Variants in CTNNA2 observed in about 807,000 individuals in gnomAD.
The protein encoded by CTNNA2 is catenin alpha 2.
In CTNNA2, 42 loss-of-function variants were observed where a neutral mutation model predicts 101.0. The ratio of observed to expected loss-of-function variants is 0.42; its 90% CI spans 0.32 to 0.54. The LOEUF is 0.54. Among genes scored for constraint, CTNNA2 ranks in the 20% least tolerant of loss-of-function variants. The pLI is 0.14. For missense variants in CTNNA2, 871 were observed against 1,223.1 expected (o/e 0.71, Z 4.29); for synonymous variants, 450 against 456.4 (o/e 0.99, Z 0.18).
At position 79,579,483 on chromosome 2, in the gene CTNNA2, C is replaced by T. The variant is rs1303153874; in HGVS notation, c.-6+66276C>T. Reference sequence around the variant, plus strand: ...GACAGTTTAATATAATCTTTCCTCACCCTCCCTTTGTCATTCAAATTAAAT... The same window carrying T: ...GACAGTTTAATATAATCTTTCCTCATCCTCCCTTTGTCATTCAAATTAAAT... On this transcript the variant is annotated intron_variant, in intron 1 of 18. Transcript: ENST00000402739. Among the ~76,000 whole-genome samples, 5 of 152,122 alleles carry T rather than the reference C, an allele frequency of 3.3e-5. No homozygotes were observed. In the East Asian group the frequency reaches 9.6e-4, roughly 29 times the overall value.
At chr2:80,075,668 G>T (rs1573004089) in intron 7 of CTNNA2, among the ~76,000 whole-genome samples, 1 of 79,740 alleles carries the variant, frequency 1.3e-5, no homozygotes, top group Admixed American at 1.5e-4. Flanking sequence ...ATTTATACAT[G>T]TATAAATATT....
chr2:80,622,408 C>T (rs3770368), intron 18 of CTNNA2, among the ~76,000 whole-genome samples: 55,760 of 151,634 alleles, frequency 0.37, 10,891 homozygotes, highest in East Asian at 0.45. Context: ...GATTTAGAAA[C>T]GTCAGATGGT....
chr2:79,646,524 CTTTTTTTTT>C (rs67454188), intron 1 of CTNNA2, among the ~76,000 whole-genome samples: 1 of 106,140 alleles, frequency 9.4e-6, no homozygotes, highest in Non-Finnish European at 1.8e-5. Context: ...TTCTTTCTGT[CTTTTTTTTT>C]TTTTTTTTTT....
chr2:79,911,976 C>G (rs1685830958), intron 7 of CTNNA2, among the ~76,000 whole-genome samples: 1 of 152,166 alleles, frequency 6.6e-6, no homozygotes, highest in Admixed American at 6.5e-5. Context: ...CATGCCCTGA[C>G]TGAAAAGTCT....
chr2:80,150,947 C>T (rs1000796961), intron 7 of CTNNA2, among the ~76,000 whole-genome samples: 1 of 152,200 alleles, frequency 6.6e-6, no homozygotes, highest in Non-Finnish European at 1.5e-5. Context: ...AGTCTCCCAT[C>T]ACTTTCTCCT....
At chr2:80,535,481 A>G (rs1258487938) in intron 9 of CTNNA2, among the ~76,000 whole-genome samples, 2 of 152,280 alleles carry the variant, frequency 1.3e-5, no homozygotes, top group Middle Eastern at 3.4e-3. Context: ...TTTATATTTT[A>G]TAACTGAGAC....
At chr2:79,989,360 C>A (rs570418213) in intron 7 of CTNNA2, among the ~76,000 whole-genome samples, 3 of 152,154 alleles carry the variant, frequency 2.0e-5, no homozygotes, top group Non-Finnish European at 4.4e-5. Context: ...CAGTGGCTCA[C>A]GCCTGTAATC....
intron 7 of CTNNA2, among the ~76,000 whole-genome samples, chr2:80,051,901 C>A (rs914633450): frequency 1.3e-5 from 2 of 152,144 alleles, no homozygotes; most frequent in Non-Finnish European, 2.9e-5. Context: ...AAAGTACTCT[C>A]GTCATTTTCT....
intron 7 of CTNNA2, among the ~76,000 whole-genome samples, chr2:80,338,406 T>C (rs762665651): frequency 6.6e-5 from 10 of 152,082 alleles, no homozygotes; most frequent in Non-Finnish European, 1.2e-4. Flanking sequence ...GAAAACCATT[T>C]TGGAGAAAAC....
intron 9 of CTNNA2, among the ~76,000 whole-genome samples, chr2:80,503,554 G>T (rs2149536896): frequency 6.6e-6 from 1 of 152,274 alleles, no homozygotes; most frequent in African/African-American, 2.4e-5. Flanking sequence ...TTGCAGCTCT[G>T]TGCCAAATTC....
At chr2:80,191,989 C>G (rs1706536267) in intron 7 of CTNNA2, among the ~76,000 whole-genome samples, 1 of 152,172 alleles carries the variant, frequency 6.6e-6, no homozygotes, top group Admixed American at 6.5e-5. Flanking sequence ...TTATTCAGAG[C>G]ATTAGGACCC....
At chr2:80,371,783 G>T (rs13400675) in intron 7 of CTNNA2, among the ~76,000 whole-genome samples, 4,726 of 152,176 alleles carry the variant, frequency 0.031, 238 homozygotes, top group African/African-American at 0.11. Context: ...GAGCAAACCT[G>T]AAGTCAAATT....
chr2:80,121,244 A>G (rs2148878329), intron 7 of CTNNA2, among the ~76,000 whole-genome samples: 1 of 152,350 alleles, frequency 6.6e-6, no homozygotes, highest in Middle Eastern at 3.4e-3. Context: ...CAACGTAGAT[A>G]TAGATTAGAA....
intron 11 of CTNNA2, among the ~76,000 whole-genome samples, chr2:80,554,531 C>G (rs1285036202): frequency 1.3e-5 from 2 of 152,132 alleles, no homozygotes; most frequent in African/African-American, 2.4e-5. Flanking sequence ...TCTGCTTTCT[C>G]ATAGTCTTCT....
chr2:80,147,732 G>A lies in CTNNA2; in HGVS notation c.1056+237935G>A, dbSNP rs151204887. Among the ~76,000 whole-genome samples, 4 of 152,252 alleles carry A rather than the reference G, an allele frequency of 2.6e-5. 1 individual carries two copies. In the East Asian group the frequency reaches 7.7e-4, roughly 29 times the overall value. ...GTTTTATCAGCAGTGTTTTGTGTTA[G>A]TCATTTATACCACGGGGTGGACTTC... On this transcript the variant is annotated intron_variant, in intron 7 of 18. Coordinates refer to ENST00000402739, the MANE Select transcript of CTNNA2 (RefSeq NM_001282597.3).
chr2:80,452,239 C>T (rs1014686593), intron 9 of CTNNA2, among the ~76,000 whole-genome samples: 19 of 147,212 alleles, frequency 1.3e-4, no homozygotes, highest in Non-Finnish European at 1.9e-4. Context: ...AACTTCAGAG[C>T]CTGTTTACAG....
intron 13 of CTNNA2, 142 bp from the exon 14 acceptor site, chr2:80,581,564 T>C (rs1334856024): frequency 5.3e-6 from 3 of 561,540 alleles, no homozygotes; most frequent in African/African-American, 3.7e-5. Context: ...CGGCTAATAC[T>C]CACCCACATA....
intron 3 of CTNNA2, among the ~76,000 whole-genome samples, chr2:79,321,174 T>C (rs917492551): frequency 2.6e-5 from 4 of 152,196 alleles, no homozygotes; most frequent in African/African-American, 9.7e-5. Flanking sequence ...TTGAGTTAGA[T>C]GTTAATGAGA....
intron 1 of CTNNA2, among the ~76,000 whole-genome samples, chr2:79,603,160 A>G (rs1677657514): frequency 6.6e-6 from 1 of 152,208 alleles, no homozygotes; most frequent in Non-Finnish European, 1.5e-5. Context: ...AAAAAGATAG[A>G]AAAGTTACTG....
Sources: gnomAD v4.1 joint callset for allele counts (sites outside exome capture counted in the v4.1 genomes callset) on GRCh38, gnomAD v4.1.1 for gene constraint, MANE v1.5 for transcripts, NCBI Gene and HGNC (gene_info 2026-07-23, HGNC 2026-07-21) for gene names.